The following JAG1 variants were observed in gnomAD, a reference collection of about 807,000 sequenced individuals.
JAG1 encodes protein jagged-1.
Under a neutral mutation model 148.7 loss-of-function variants are expected in JAG1, and 23 were observed. That is an observed-to-expected ratio of 0.15 (90% CI 0.11 to 0.22). The LOEUF is 0.22. Ranked by LOEUF, JAG1 falls within the 10% of genes least tolerant of loss-of-function variation. JAG1 has a pLI of 1.00. For missense variants in JAG1, 1,054 were observed against 1,611.2 expected, an observed-to-expected ratio of 0.65 and a Z score of 5.92; for synonymous variants, 572 against 598.3, an observed-to-expected ratio of 0.96 and a Z score of 0.64.
At chr20:10,672,025 C>G (rs2067499051) in intron 2 of JAG1, among the ~76,000 whole-genome samples, 1 of 152,012 alleles carries the variant, frequency 6.6e-6, no homozygotes, top group Non-Finnish European at 1.5e-5. Flanking sequence ...AGTGAGGCCA[C>G]AAGAGCTACA....
chr20:10,651,641 T>A lies in JAG1; in HGVS notation c.1060A>T (p.Thr354Ser), dbSNP rs752161318. Reference protein sequence around the residue: ...PCHNRGSCKETSLGFECECSP... With the variant: ...PCHNRGSCKESSLGFECECSP... ...CACTCACACTCAAAGCCCAGGGAGGTCTCCTTACAGCTGCCTCTGTTGTGA... is the reference window on the plus strand; with the variant it reads ...CACTCACACTCAAAGCCCAGGGAGGACTCCTTACAGCTGCCTCTGTTGTGA... The change falls in exon 8 of 26, where the codon ACC becomes TCC. Residue 354 changes from threonine to serine, a missense_variant. By Grantham distance (58) the Thr-to-Ser change is moderately conservative. This residue lies in a region of JAG1 where 245 missense variants were observed against 373.1 expected (regional missense o/e 0.66). Transcript: ENST00000254958. 2 of 1,613,676 alleles carry A rather than the reference T, an allele frequency of 1.2e-6. No individual in the cohort carries two copies. The highest frequency in any genetic ancestry group is 4.5e-5 in the East Asian group (2 of 44,866).
chr20:10,638,185 A>C lies in JAG1; in HGVS notation c.*1313T>G, dbSNP rs2067245574. 1 of 152,616 alleles carries C rather than the reference A, an allele frequency of 6.6e-6. No homozygotes were observed. The highest frequency in any genetic ancestry group is 1.5e-5 in the Non-Finnish European group (1 of 68,038). The allele number at this position is 152,616 out of a possible 1,614,324, so 9.5% of individuals were successfully genotyped here. A position where few individuals can be genotyped will look rare whatever the true frequency, so the allele number is the denominator to read the frequency against. Reference sequence around the variant, plus strand: ...AATAGCACTTTGATTTCCTCACTTAAGGCAGGCAGTGTACTCTATGGCAAA... The same window carrying C: ...AATAGCACTTTGATTTCCTCACTTACGGCAGGCAGTGTACTCTATGGCAAA... On this transcript the variant is annotated 3_prime_UTR_variant, in exon 26 of 26. Coordinates refer to ENST00000254958, the MANE Select transcript of JAG1 (RefSeq NM_000214.3).
Position 10,673,903 on chromosome 20 carries a change from A to AG in JAG1, c.-374dup, listed in dbSNP as rs2067517468. 2 of 151,648 alleles carry AG rather than the reference A, an allele frequency of 1.3e-5. No individual in the cohort carries two copies. Among genetic ancestry groups the AG allele is most frequent in the Admixed American group, 1.3e-4 (2 of 15,166 alleles). The allele number at this position is 151,648 out of a possible 1,614,324, so 9.4% of individuals were successfully genotyped here. On this transcript the variant is annotated 5_prime_UTR_variant, in exon 1 of 26. Transcript: ENST00000254958. This position sits in a 1 kb window ranked among gnomAD's most constrained non-coding sequence, Gnocchi z 4.7. ...CATGGAAAAAGGGGGGAGGGAGGGG[A>AG]GAAAAAAAAAAACCAGCCTAGCTCG... is the stretch of plus-strand genomic sequence containing the variant.
chr20:10,644,443 T>A, intron 18 of JAG1, 59 bp from the exon 19 acceptor site: 1 of 1,373,814 alleles, frequency 7.3e-7, no homozygotes, highest in Non-Finnish European at 1.0e-6. Context: ...GTCTTAGCCC[T>A]AAGTAAAACC....
chr20:10,646,868 G>T, intron 14 of JAG1, 71 bp downstream of exon 14: 2 of 1,465,078 alleles, frequency 1.4e-6, no homozygotes, highest in Non-Finnish European at 1.9e-6. Flanking sequence ...TCCCAGGGTG[G>T]GCCAGGGGCA....
intron 18 of JAG1, 39 bp from the exon 19 acceptor site, chr20:10,644,423 A>C: frequency 6.3e-7 from 1 of 1,575,912 alleles, no homozygotes; most frequent in Non-Finnish European, 8.7e-7. Flanking sequence ...GGACTTCAAC[A>C]GGGAAAGCGG....
At chr20:10,650,139 T>C in intron 9 of JAG1, 108 bp downstream of exon 9, 1 of 733,266 alleles carries the variant, frequency 1.4e-6, no homozygotes, top group South Asian at 1.5e-5. Context: ...CTTCTTAGCA[T>C]GATGGAGTGT....
chr20:10,650,071 A>G (rs1423700913), intron 9 of JAG1, among the ~76,000 whole-genome samples, 176 bp downstream of exon 9: 1 of 152,224 alleles, frequency 6.6e-6, no homozygotes. Context: ...TAAAAGAGCT[A>G]GTCCATTTGC....
At position 10,639,866 on chromosome 20, in the gene JAG1, G is replaced by T; in HGVS notation, c.3289C>A (p.Arg1097=). The T allele has an allele frequency of 6.2e-7, 1 of 1,614,118 alleles. No homozygotes were observed. The highest frequency in any genetic ancestry group is 1.1e-5 in the South Asian group (1 of 91,084). The change falls in exon 26 of 26, where the codon CGG becomes AGG. Residue 1097 remains arginine (R), a synonymous_variant. Coordinates refer to ENST00000254958, the MANE Select transcript of JAG1 (RefSeq NM_000214.3). Reference sequence around the variant, plus strand: ...GAGTGTGTGTGGCTGCCCGGCTTCCGCCGCTTCCGCAGGCACCAGTAGAAG... The same window carrying T: ...GAGTGTGTGTGGCTGCCCGGCTTCCTCCGCTTCCGCAGGCACCAGTAGAAG... ...TAFYWCLRKR[R]KPGSHTHSAS...
intron 12 of JAG1, 87 bp from the exon 13 acceptor site, chr20:10,648,197 G>T: frequency 6.8e-7 from 1 of 1,476,962 alleles, no homozygotes; most frequent in Non-Finnish European, 9.5e-7. Flanking sequence ...GCAGGCACTG[G>T]AATCTGACAG....
intron 3 of JAG1, among the ~76,000 whole-genome samples, chr20:10,660,139 T>A (rs996507196): frequency 3.3e-5 from 5 of 152,216 alleles, no homozygotes; most frequent in African/African-American, 1.2e-4. Context: ...TAAAAAGTGA[T>A]GCAAGCCCTA....
rs568465317 is a variant in JAG1, at chr20:10,648,923, C to T, written c.1395+138G>A. On this transcript the variant is annotated intron_variant, in intron 11 of 25. Transcript: ENST00000254958. ...TCCCACGAGGCTGGGGTAACATAAG[C>T]CCTAGCGAAACTTCCAAGAGACTCT... 77 of 898,390 alleles carry T rather than the reference C, an allele frequency of 8.6e-5. No homozygotes were observed. The African/African-American group carries it at 1.2e-3, about 14-fold the overall frequency. The allele number at this position is 898,390 out of a possible 1,614,324, so 55.7% of individuals were successfully genotyped here. A position where few individuals can be genotyped will look rare whatever the true frequency, so the allele number is the denominator to read the frequency against.
intron 2 of JAG1, among the ~76,000 whole-genome samples, chr20:10,664,373 A>AACACACACACACACACACACACACAC (rs59417356): frequency 1.4e-5 from 2 of 144,594 alleles, no homozygotes; most frequent in African/African-American, 5.1e-5. Flanking sequence ...TGCATGAGGA[A>AACACACACACACACACACACACACAC]ACACACACAC....
At chr20:10,647,196 G>T (rs2067315374) in intron 13 of JAG1, 93 bp from the exon 14 acceptor site, 1 of 1,458,294 alleles carries the variant, frequency 6.9e-7, no homozygotes. Flanking sequence ...CTTTCCTGGA[G>T]ACAGGGACCC....
intron 14 of JAG1, 132 bp from the exon 15 acceptor site, chr20:10,646,216 G>A: frequency 1.4e-6 from 1 of 708,314 alleles, no homozygotes; most frequent in Non-Finnish European, 2.5e-6. Context: ...CTCCATCAGG[G>A]CTGTTTCTCA....
intron 2 of JAG1, among the ~76,000 whole-genome samples, chr20:10,664,450 A>ATT (rs2067439190): frequency 6.6e-6 from 1 of 151,918 alleles, no homozygotes; most frequent in Non-Finnish European, 1.5e-5. Context: ...AGGTATTTGT[A>ATT]CCGAGGGGGT....
rs1259404324 is a variant in JAG1 at position 10,639,602 on chromosome 20, G to A, written c.3553C>T (p.Pro1185Ser). ...TGTTTTGTCGGCGTGCCGTTGGGGG[G>A]CTTCTCTTCTCTGTCTACCAGCGTG... is the stretch of plus-strand genomic sequence containing the variant. The part of the protein sequence containing the change: ...AYTLVDREEK[P>S]PNGTPTKHPN... The change falls in exon 26 of 26, where the codon CCC becomes TCC. Residue 1185 changes from proline (P) to serine (S), a missense_variant. Physicochemically the swap from Pro to Ser is moderately conservative, Grantham distance 74. Transcript: ENST00000254958. 9.3e-6 allele frequency: 15 copies of A among 1,614,200 alleles called. No homozygotes were observed. Among genetic ancestry groups the A allele is most frequent in the South Asian group, 2.2e-5 (2 of 91,090 alleles).
At chr20:10,642,277 G>A (rs1216394832) in intron 21 of JAG1, among the ~76,000 whole-genome samples, 1 of 152,184 alleles carries the variant, frequency 6.6e-6, no homozygotes, top group African/African-American at 2.4e-5. Context: ...CAGCAGTTTG[G>A]GATGGTTTGG....
chr20:10,666,285 G>A (rs2067453638), intron 2 of JAG1, among the ~76,000 whole-genome samples: 1 of 152,170 alleles, frequency 6.6e-6, no homozygotes, highest in Non-Finnish European at 1.5e-5. Context: ...AGTTGCTAGA[G>A]AACTTTAATT....
Sources: gnomAD v4.1 joint callset for allele counts (sites outside exome capture counted in the v4.1 genomes callset) on GRCh38, gnomAD v4.1.1 for gene constraint, gnomAD v4.1.1 regional missense constraint, Gnocchi (gnomAD v3.1) non-coding constraint, MANE v1.5 for transcripts, NCBI Gene and HGNC (gene_info 2026-07-23, HGNC 2026-07-21) for gene names.